UBASH3B: variants seen among roughly 807,000 people sequenced by gnomAD.
UBASH3B encodes ubiquitin-associated and SH3 domain-containing protein B.
UBASH3B carries 37 observed loss-of-function variants against 83.4 expected under a neutral mutation model. The observed-to-expected ratio is 0.44, with a 90% CI of 0.34 to 0.58. The LOEUF (loss-of-function observed/expected upper bound fraction) is 0.58, where lower values mean the gene tolerates loss of function less well. Ranked by LOEUF, UBASH3B falls within the 20% of genes least tolerant of loss-of-function variation. The pLI is 0.01. For synonymous variants in UBASH3B, 304 were observed against 318.3 expected (o/e 0.96, Z 0.48); for missense variants, 657 against 827.2 (o/e 0.79, Z 2.52).
chr11:122,656,025 C>A lies in UBASH3B; in HGVS notation c.-25C>A. 2 of 1,553,724 alleles carry A rather than the reference C, an allele frequency of 1.3e-6. No homozygotes were observed. Among genetic ancestry groups the A allele is most frequent in the Non-Finnish European group, 1.7e-6 (2 of 1,150,524 alleles). ...CGAACCATCCGGCTCGGGCTCCTTC[C>A]CTGGCGATGGCTGGCCGCTGAGCCA... On this transcript the variant is annotated 5_prime_UTR_variant, in exon 1 of 14. Coordinates refer to ENST00000284273, the MANE Select transcript of UBASH3B (RefSeq NM_032873.5).
At chr11:122,783,707 C>T (rs1447039304) in intron 5 of UBASH3B, among the ~76,000 whole-genome samples, 2 of 152,058 alleles carry the variant, frequency 1.3e-5, no homozygotes, top group Non-Finnish European at 2.9e-5. Context: ...ATGGAGCATA[C>T]TGGAATTTTT....
intron 3 of UBASH3B, among the ~76,000 whole-genome samples, chr11:122,777,557 G>T (rs1860759769): frequency 6.6e-6 from 1 of 152,160 alleles, no homozygotes; most frequent in South Asian, 2.1e-4. Flanking sequence ...GCAAAGAGGA[G>T]GAACTAAGAG....
intron 13 of UBASH3B, 82 bp from the exon 14 acceptor site, chr11:122,809,667 A>G: frequency 6.8e-7 from 1 of 1,474,442 alleles, no homozygotes; most frequent in Non-Finnish European, 9.3e-7. Context: ...CTAGGGCCAC[A>G]TGAATATCTT....
At chr11:122,779,771 T>G (rs1424012708) in intron 4 of UBASH3B, 76 bp downstream of exon 4, 1 of 1,561,596 alleles carries the variant, frequency 6.4e-7, no homozygotes, top group East Asian at 2.2e-5. Context: ...TAGGAAATAG[T>G]GGTAGAGGAG....
At chr11:122,738,687 G>A (rs1237069892) in intron 1 of UBASH3B, among the ~76,000 whole-genome samples, 3 of 152,070 alleles carry the variant, frequency 2.0e-5, no homozygotes, top group Non-Finnish European at 2.9e-5. Context: ...TCAGGAGTTC[G>A]AGACCAGCCT....
At chr11:122,791,099 T>A (rs1416198722) in intron 6 of UBASH3B, among the ~76,000 whole-genome samples, 35 of 152,374 alleles carry the variant, frequency 2.3e-4, no homozygotes, top group Non-Finnish European at 5.9e-5. Context: ...GGGAGGTCTT[T>A]GTGTCATCTT....
At position 122,812,083 on chromosome 11, in the gene UBASH3B, T is replaced by C. The variant is rs1219326317; in HGVS notation, c.*2197T>C. The C allele has an allele frequency of 6.6e-6, 1 of 152,252 alleles. No homozygotes were observed. The highest frequency in any genetic ancestry group is 1.9e-4 in the East Asian group (1 of 5,204). The allele number at this position is 152,252 out of a possible 1,614,324, so 9.4% of individuals were successfully genotyped here. A position where few individuals can be genotyped will look rare whatever the true frequency, so the allele number is the denominator to read the frequency against. On this transcript the variant is annotated 3_prime_UTR_variant, in exon 14 of 14. Coordinates refer to ENST00000284273, the MANE Select transcript of UBASH3B (RefSeq NM_032873.5). Reference sequence around the variant, plus strand: ...TTATCTTAGTTGTATGACGAACTGATAAATCTGTCTGACTGGGCTACAATC... The same window carrying C: ...TTATCTTAGTTGTATGACGAACTGACAAATCTGTCTGACTGGGCTACAATC...
At chr11:122,793,163 A>G (rs1440026945) in intron 6 of UBASH3B, among the ~76,000 whole-genome samples, 1 of 152,152 alleles carries the variant, frequency 6.6e-6, no homozygotes, top group Non-Finnish European at 1.5e-5. Flanking sequence ...CAGGCAGATC[A>G]CCTGAGGTCA....
chr11:122,683,653 C>T (rs1863773021), intron 1 of UBASH3B, among the ~76,000 whole-genome samples: 1 of 150,588 alleles, frequency 6.6e-6, no homozygotes, highest in Non-Finnish European at 1.5e-5. Context: ...ACCACAGGAT[C>T]ATTATCACAC....
intron 6 of UBASH3B, among the ~76,000 whole-genome samples, chr11:122,791,620 G>A (rs774662302): frequency 4.6e-5 from 7 of 152,194 alleles, no homozygotes; most frequent in Non-Finnish European, 1.0e-4. Context: ...AGGAGGCAGA[G>A]CCCAGCTTCC....
intron 1 of UBASH3B, among the ~76,000 whole-genome samples, chr11:122,721,389 G>A (rs754689867): frequency 1.3e-5 from 2 of 152,084 alleles, no homozygotes; most frequent in Non-Finnish European, 2.9e-5. Flanking sequence ...GGTGGGAGTG[G>A]GAATGTGGTG....
chr11:122,766,847 T>C (rs540060872), intron 1 of UBASH3B, among the ~76,000 whole-genome samples: 69 of 152,396 alleles, frequency 4.5e-4, no homozygotes, highest in Non-Finnish European at 6.2e-4. Flanking sequence ...GGGCATATTT[T>C]GCCTACCTCT....
chr11:122,770,825 T>G (rs916221908), intron 1 of UBASH3B, among the ~76,000 whole-genome samples: 1 of 152,212 alleles, frequency 6.6e-6, no homozygotes, highest in Non-Finnish European at 1.5e-5. Flanking sequence ...GAAACATCAT[T>G]GCCAATATCC....
intron 9 of UBASH3B, 99 bp from the exon 10 acceptor site, chr11:122,798,843 G>T: frequency 1.2e-6 from 1 of 836,118 alleles, no homozygotes; most frequent in Non-Finnish European, 1.9e-6. Flanking sequence ...AGGAAAGAGG[G>T]GTTTACAGGA....
At chr11:122,734,195 T>C (rs909464698) in intron 1 of UBASH3B, among the ~76,000 whole-genome samples, 1 of 152,220 alleles carries the variant, frequency 6.6e-6, no homozygotes, top group East Asian at 1.9e-4. Context: ...CAAAATTGAA[T>C]GTCTCCTCCC....
At chr11:122,776,916 G>T in intron 2 of UBASH3B, 108 bp from the exon 3 acceptor site, 1 of 1,049,892 alleles carries the variant, frequency 9.5e-7, no homozygotes, top group Non-Finnish European at 1.4e-6. Flanking sequence ...CCTTCCCCGC[G>T]CTGTGCCGGG....
chr11:122,792,710 C>T (rs539103938), intron 6 of UBASH3B, among the ~76,000 whole-genome samples: 8 of 152,306 alleles, frequency 5.3e-5, no homozygotes, highest in African/African-American at 1.9e-4. Flanking sequence ...GTGAACGGCA[C>T]AAGATTTCCT....
intron 1 of UBASH3B, among the ~76,000 whole-genome samples, chr11:122,697,152 A>G (rs1863974664): frequency 6.6e-6 from 1 of 152,240 alleles, no homozygotes; most frequent in African/African-American, 2.4e-5. Context: ...GGAATTAGAT[A>G]GCTCTCAAAA....
At chr11:122,672,793 C>T (rs1863615824) in intron 1 of UBASH3B, among the ~76,000 whole-genome samples, 2 of 152,278 alleles carry the variant, frequency 1.3e-5, no homozygotes, top group South Asian at 4.1e-4. Context: ...TCCTGGTTAG[C>T]CTCCTCAGAA....
Sources: gnomAD v4.1 joint callset for allele counts (sites outside exome capture counted in the v4.1 genomes callset) on GRCh38, gnomAD v4.1.1 for gene constraint, MANE v1.5 for transcripts, NCBI Gene and HGNC (gene_info 2026-07-23, HGNC 2026-07-21) for gene names.